Variants in AFDN observed in about 807,000 individuals in gnomAD.
AFDN encodes the protein afadin.
In AFDN, 68 loss-of-function variants were observed where a neutral mutation model predicts 216.6. That is an observed-to-expected ratio of 0.31 (90% CI 0.26 to 0.38). AFDN has a LOEUF of 0.38. Among genes scored for constraint, AFDN ranks in the 10% least tolerant of loss-of-function variants. The pLI is 1.00. For missense variants in AFDN, 2,136 were observed against 2,342.0 expected, an observed-to-expected ratio of 0.91 and a Z score of 1.82; for synonymous variants, 868 against 853.7, an observed-to-expected ratio of 1.02 and a Z score of -0.29.
chr6:167,905,073 C>T (rs960453265), intron 12 of AFDN, among the ~76,000 whole-genome samples: 1 of 152,132 alleles, frequency 6.6e-6, no homozygotes, highest in South Asian at 2.1e-4. Context: ...AGTGTTTGTG[C>T]TTTTGTCTTT....
At chr6:167,922,783 G>A (rs1791993977) in intron 21 of AFDN, 73 bp from the exon 22 acceptor site, 1 of 960,622 alleles carries the variant, frequency 1.0e-6, no homozygotes, top group South Asian at 1.4e-5. Context: ...TTAAGCAATT[G>A]GTAATTAATC....
chr6:167,874,804 G>A (rs551486747), intron 4 of AFDN, among the ~76,000 whole-genome samples: 3 of 151,892 alleles, frequency 2.0e-5, no homozygotes, highest in East Asian at 1.9e-4. Context: ...TAGTAGAGAC[G>A]GGGTTTCTCC....
At chr6:167,835,748 A>G (rs977452387) in intron 1 of AFDN, among the ~76,000 whole-genome samples, 4 of 152,230 alleles carry the variant, frequency 2.6e-5, no homozygotes, top group African/African-American at 9.6e-5. Context: ...GAGAAAGGCT[A>G]ATACTGTCAA....
In AFDN at chr6:167,948,305, C is replaced by T. The variant is rs1185106024; in HGVS notation, c.3658C>T (p.Pro1220Ser). ...TCACATTTTACAGGAGCAGACGCCT[C>T]CGCCTAGACCTGAAGCCTACCCCAT... is the stretch of plus-strand genomic sequence containing the variant. ...GNLCTEEQTP[P>S]PRPEAYPIPT... Residue 1220 changes from proline (P) to serine (S), a missense_variant, in exon 29 of 34, where the codon CCG (proline) becomes TCG (serine). Physicochemically the swap from Pro to Ser is moderately conservative, Grantham distance 74 (BLOSUM62 -1). Around this residue, in one of 8 missense-constraint regions of AFDN, gnomAD observed 981 missense variants for 966.0 expected, o/e 1.02. Coordinates refer to ENST00000683244, the MANE Select transcript of AFDN (RefSeq NM_001386888.1). 1.9e-6 allele frequency: 3 copies of T among 1,611,634 alleles called. No homozygotes were observed. Among genetic ancestry groups the T allele is most frequent in the Middle Eastern group, 1.7e-4 (1 of 6,048 alleles).
intron 23 of AFDN, among the ~76,000 whole-genome samples, chr6:167,925,665 G>T (rs998138317): frequency 6.6e-6 from 1 of 152,072 alleles, no homozygotes; most frequent in African/African-American, 2.4e-5. Context: ...GAATTCTTGG[G>T]GTTTGAATCC....
intron 25 of AFDN, 64 bp from the exon 26 acceptor site, chr6:167,943,877 C>A: frequency 7.6e-7 from 1 of 1,315,974 alleles, no homozygotes; most frequent in Non-Finnish European, 1.1e-6. Context: ...ATAATCACAG[C>A]GATTCATGAC....
chr6:167,868,675 AG>A (rs1784457461), intron 2 of AFDN, among the ~76,000 whole-genome samples: 2 of 150,966 alleles, frequency 1.3e-5, no homozygotes, highest in Non-Finnish European at 2.9e-5. Context: ...TTGTCTCTTT[AG>A]TTATTAATTG....
At chr6:167,841,589 T>C (rs372898504) in intron 1 of AFDN, among the ~76,000 whole-genome samples, 1 of 152,188 alleles carries the variant, frequency 6.6e-6, no homozygotes, top group Non-Finnish European at 1.5e-5. Context: ...GCTTTAAAGT[T>C]TGTTAAATTG....
chr6:167,873,058 C>G (rs1475987292), intron 4 of AFDN, among the ~76,000 whole-genome samples: 1 of 152,202 alleles, frequency 6.6e-6, no homozygotes, highest in African/African-American at 2.4e-5. Flanking sequence ...ATTTGGTTAT[C>G]ATATGCCTGT....
At chr6:167,919,794 AAGTAGAAAACAGCTCAGATG>A (rs1404383881) in intron 21 of AFDN, among the ~76,000 whole-genome samples, 1 of 152,238 alleles carries the variant, frequency 6.6e-6, no homozygotes, top group Admixed American at 6.5e-5. Flanking sequence ...CTTTTTCATA[AAGTAGAAAACAGCTCAGATG>A]AGTAGAAAGT....
intron 11 of AFDN, among the ~76,000 whole-genome samples, 153 bp from the exon 12 acceptor site, chr6:167,902,164 T>G (rs906829895): frequency 1.3e-5 from 2 of 152,162 alleles, no homozygotes; most frequent in African/African-American, 4.8e-5. Flanking sequence ...TAAGGTGGTT[T>G]TTTAATTCTG....
Position 167,963,424 on chromosome 6 carries a change from G to GT in AFDN, c.4968+862dup, listed in dbSNP as rs1797233861. ...ACAACTTCTGATGGCGGAAAATTTA[G>GT]TTTTTATTAATAATTCCTTCTTGGA... On this transcript the variant is annotated intron_variant, in intron 31 of 33. Coordinates refer to ENST00000683244, the MANE Select transcript of AFDN (RefSeq NM_001386888.1). 7 of 1,054,314 alleles carry GT rather than the reference G, an allele frequency of 6.6e-6. No homozygotes were observed. In the African/African-American group the frequency reaches 1.2e-4, roughly 17 times the overall value. 65.3% of individuals were successfully genotyped at this position (1,054,314 alleles called of 1,614,324 possible).
At chr6:167,954,689 AATTTT>A (rs2128706732) in intron 30 of AFDN, among the ~76,000 whole-genome samples, 1 of 152,038 alleles carries the variant, frequency 6.6e-6, no homozygotes, top group African/African-American at 2.4e-5. Flanking sequence ...TTTCTCCGTT[AATTTT>A]AAGTGTTACT....
At chr6:167,916,904 A>G (rs1296331286) in intron 19 of AFDN, among the ~76,000 whole-genome samples, 185 bp from the exon 20 acceptor site, 2 of 152,208 alleles carry the variant, frequency 1.3e-5, no homozygotes, top group African/African-American at 4.8e-5. Context: ...TGCCCTTTAC[A>G]AGATAATGCT....
At chr6:167,929,378 G>C (rs554658481) in intron 23 of AFDN, among the ~76,000 whole-genome samples, 1 of 152,200 alleles carries the variant, frequency 6.6e-6, no homozygotes, top group East Asian at 1.9e-4. Flanking sequence ...TAGTAACAGC[G>C]TAGAAGGTTA....
In AFDN at chr6:167,867,208, C is replaced by T. The variant is rs1293730338; in HGVS notation, c.301+2462C>T. ...TAATGGTAGTTCTCTAAAAGTTGCA[C>T]TCTGAAGGATTTTCATCTAGTAAAA... On this transcript the variant is annotated intron_variant, in intron 2 of 33. Transcript: ENST00000683244. Among the ~76,000 whole-genome samples, 2 of 152,096 alleles carry T rather than the reference C, an allele frequency of 1.3e-5. 1 individual carries two copies. Among genetic ancestry groups the T allele is most frequent in the Admixed American group, 1.3e-4 (2 of 15,258 alleles).
chr6:167,920,284 AG>A (rs957519051), intron 21 of AFDN, among the ~76,000 whole-genome samples: 1 of 152,100 alleles, frequency 6.6e-6, no homozygotes, highest in African/African-American at 2.4e-5. Flanking sequence ...TGAGAAATGG[AG>A]TGGGCCTGAA....
At chr6:167,864,821 G>A in intron 2 of AFDN, 75 bp downstream of exon 2, 1 of 1,415,832 alleles carries the variant, frequency 7.1e-7, no homozygotes, top group Non-Finnish European at 1.0e-6. Context: ...GGGTCATTGT[G>A]GTCATGTCAG....
intron 12 of AFDN, among the ~76,000 whole-genome samples, chr6:167,904,111 G>A (rs1392983834): frequency 1.3e-5 from 2 of 152,136 alleles, no homozygotes. Flanking sequence ...TTTCCTAGGT[G>A]AGCTTACCCT....
Sources: gnomAD v4.1 joint callset for allele counts (sites outside exome capture counted in the v4.1 genomes callset) on GRCh38, gnomAD v4.1.1 for gene constraint, gnomAD v4.1.1 regional missense constraint, MANE v1.5 for transcripts, NCBI Gene and HGNC (gene_info 2026-07-23, HGNC 2026-07-21) for gene names.